Variants in PPP1R12A observed in about 807,000 individuals in gnomAD.
The protein encoded by PPP1R12A is protein phosphatase 1 regulatory subunit 12A.
In PPP1R12A, 19 loss-of-function variants were observed where a neutral mutation model predicts 139.6. That is an observed-to-expected ratio of 0.14 (90% CI 0.09 to 0.20). PPP1R12A has a LOEUF of 0.20. Among genes scored for constraint, PPP1R12A ranks in the 10% least tolerant of loss-of-function variants. PPP1R12A has a pLI of 1.00. For missense variants in PPP1R12A, 925 were observed against 1,211.5 expected, an observed-to-expected ratio of 0.76 and a Z score of 3.51; for synonymous variants, 427 against 420.6, an observed-to-expected ratio of 1.02 and a Z score of -0.19.
intron 1 of PPP1R12A, among the ~76,000 whole-genome samples, chr12:79,879,021 T>C (rs1233532934): frequency 2.0e-5 from 3 of 152,196 alleles, no homozygotes; most frequent in Non-Finnish European, 4.4e-5. Context: ...CTACAATGAA[T>C]AGTGTTTCAA....
At chr12:79,837,325 C>G (rs1015683472) in intron 3 of PPP1R12A, among the ~76,000 whole-genome samples, 3 of 151,892 alleles carry the variant, frequency 2.0e-5, no homozygotes, top group African/African-American at 7.3e-5. Context: ...TAGTCAGCAA[C>G]AGATTCAAAA....
At chr12:79,863,558 G>C (rs1200851721) in intron 2 of PPP1R12A, among the ~76,000 whole-genome samples, 1 of 144,936 alleles carries the variant, frequency 6.9e-6, no homozygotes, top group Non-Finnish European at 1.5e-5. Context: ...TCAGTGTGCT[G>C]TATTCAGGAG....
At chr12:79,844,524 C>T (rs1394686761) in intron 3 of PPP1R12A, among the ~76,000 whole-genome samples, 1 of 152,198 alleles carries the variant, frequency 6.6e-6, no homozygotes, top group Non-Finnish European at 1.5e-5. Flanking sequence ...ACTTCATCTA[C>T]TACCAGTCAA....
intron 20 of PPP1R12A, 79 bp from the exon 21 acceptor site, chr12:79,788,862 A>G: frequency 8.0e-7 from 1 of 1,254,064 alleles, no homozygotes; most frequent in Non-Finnish European, 1.1e-6. Flanking sequence ...GTACACATAT[A>G]ACTTGACAGT....
chr12:79,873,914 G>A (rs1882831440), intron 1 of PPP1R12A, among the ~76,000 whole-genome samples: 1 of 152,178 alleles, frequency 6.6e-6, no homozygotes, highest in South Asian at 2.1e-4. Context: ...ACAAACTACA[G>A]TTAGTCTAAC....
chr12:79,825,601 G>T (rs920719635), intron 5 of PPP1R12A: 1 of 151,626 alleles, frequency 6.6e-6, no homozygotes, highest in Non-Finnish European at 1.5e-5. Context: ...CTATATATTT[G>T]TTACACTTAC....
chr12:79,925,477 T>C (rs1374683748), intron 1 of PPP1R12A, among the ~76,000 whole-genome samples: 2 of 152,218 alleles, frequency 1.3e-5, no homozygotes, highest in East Asian at 3.8e-4. Flanking sequence ...AAATGTGAGT[T>C]AAATCATCAA....
rs543203509 is a variant in PPP1R12A, at chr12:79,919,028, A to G, written c.237+15667T>C. On this transcript the variant is annotated intron_variant, in intron 1 of 24. Coordinates refer to ENST00000450142, the MANE Select transcript of PPP1R12A (RefSeq NM_002480.3). ...CTACTCAGGAGGCTGAGGTGGGAGA[A>G]TCACTTGAACCGGGGAGGCAGAGGT... is the stretch of plus-strand genomic sequence containing the variant. 1.2e-4 allele frequency among the ~76,000 whole-genome samples: 19 copies of G among 152,104 alleles called. No individual in the cohort carries two copies. In the South Asian group the frequency reaches 2.5e-3, roughly 20 times the overall value.
intron 16 of PPP1R12A, 62 bp downstream of exon 16, chr12:79,797,133 G>A (rs1000435764): frequency 7.1e-7 from 1 of 1,410,644 alleles, no homozygotes; most frequent in African/African-American, 1.4e-5. Flanking sequence ...TCTCTTGTAT[G>A]TTAAGGATCA....
At position 79,884,303 on chromosome 12, in the gene PPP1R12A, GTATATACTTT is replaced by G. The variant is rs1808482933; in HGVS notation, c.238-11375_238-11366del. 2.0e-5 allele frequency among the ~76,000 whole-genome samples: 3 copies of G among 152,098 alleles called. No homozygotes were observed. In the South Asian group the frequency reaches 6.2e-4, roughly 32 times the overall value. On this transcript the variant is annotated intron_variant, in intron 1 of 24. Coordinates refer to ENST00000450142, the MANE Select transcript of PPP1R12A (RefSeq NM_002480.3). ...AACACTGCTAATTTTGATTTTAAAT[GTATATACTTT>G]TAAGTCGACATAAGAAACACCAACA...
intron 2 of PPP1R12A, among the ~76,000 whole-genome samples, chr12:79,860,176 T>C (rs979993377): frequency 6.6e-6 from 1 of 152,182 alleles, no homozygotes; most frequent in Non-Finnish European, 1.5e-5. Flanking sequence ...ACAAATGTGG[T>C]GGCAAAATTA....
rs1217128747 is a variant in PPP1R12A at position 79,797,374 on chromosome 12, G to C, written c.2113C>G (p.Gln705Glu). ...STQGVTLTDL[Q>E]EAEKTIGRSR... The stretch of plus-strand genomic sequence containing the variant: ...CTTCCTATTGTTTTCTCAGCTTCTT[G>C]AAGATCAGTTAATGTCACTCCCTGC... Residue 705 changes from glutamine (Q) to glutamate (E), a missense_variant, in exon 16 of 25, where the codon CAA (glutamine) becomes GAA (glutamate). Physicochemically the swap from Gln to Glu is conservative, Grantham distance 29. Coordinates refer to ENST00000450142, the MANE Select transcript of PPP1R12A (RefSeq NM_002480.3). 3 of 1,601,684 alleles carry C rather than the reference G, an allele frequency of 1.9e-6. No homozygotes were observed. The highest frequency in any genetic ancestry group is 2.6e-6 in the Non-Finnish European group (3 of 1,174,500).
At chr12:79,893,607 G>A (rs1006052489) in intron 1 of PPP1R12A, among the ~76,000 whole-genome samples, 6 of 152,180 alleles carry the variant, frequency 3.9e-5, no homozygotes, top group Admixed American at 2.6e-4. Context: ...TTTGTCACCT[G>A]TAAATCACTG....
At chr12:79,820,259 T>TA (rs1198487469) in intron 8 of PPP1R12A, among the ~76,000 whole-genome samples, 2 of 152,208 alleles carry the variant, frequency 1.3e-5, no homozygotes, top group Non-Finnish European at 2.9e-5. Flanking sequence ...TCACAGTAGT[T>TA]AAAGTCTTAA....
intron 1 of PPP1R12A, among the ~76,000 whole-genome samples, chr12:79,919,888 G>T (rs1887306815): frequency 6.6e-6 from 1 of 152,118 alleles, no homozygotes; most frequent in Admixed American, 6.5e-5. Context: ...TTAAATGTTT[G>T]AGATACCATT....
chr12:79,903,277 C>T (rs1463748179), intron 1 of PPP1R12A, among the ~76,000 whole-genome samples: 2 of 151,886 alleles, frequency 1.3e-5, no homozygotes, highest in South Asian at 2.1e-4. Flanking sequence ...ATTGTGAAAC[C>T]CCATCTCTAC....
chr12:79,930,107 C>T (rs1213144982), intron 1 of PPP1R12A, among the ~76,000 whole-genome samples: 2 of 152,074 alleles, frequency 1.3e-5, no homozygotes, highest in Non-Finnish European at 2.9e-5. Context: ...GTTTTTATTG[C>T]AGGAGAGGCA....
At chr12:79,861,081 T>C (rs1881261651) in intron 2 of PPP1R12A, among the ~76,000 whole-genome samples, 1 of 152,144 alleles carries the variant, frequency 6.6e-6, no homozygotes, top group East Asian at 1.9e-4. Context: ...GCACTCTCAG[T>C]AGCCATCCTA....
chr12:79,896,104 T>A (rs968419927), intron 1 of PPP1R12A, among the ~76,000 whole-genome samples: 1 of 151,924 alleles, frequency 6.6e-6, no homozygotes, highest in African/African-American at 2.4e-5. Flanking sequence ...TAGAGAGAAT[T>A]AAGGAGAGAT....
Sources: gnomAD v4.1 joint callset for allele counts (sites outside exome capture counted in the v4.1 genomes callset) on GRCh38, gnomAD v4.1.1 for gene constraint, MANE v1.5 for transcripts, NCBI Gene and HGNC (gene_info 2026-07-23, HGNC 2026-07-21) for gene names.